FRMD4A: variants seen among roughly 807,000 people sequenced by gnomAD.
The protein encoded by FRMD4A is FERM domain containing 4A, also known as FERM domain-containing protein 4A.
FRMD4A carries 29 observed loss-of-function variants against 129.1 expected under a neutral mutation model. That is an observed-to-expected ratio of 0.22 (90% CI 0.17 to 0.31). The LOEUF (loss-of-function observed/expected upper bound fraction) is 0.31. Ranked by LOEUF, FRMD4A falls within the 10% of genes least tolerant of loss-of-function variation. FRMD4A has a pLI of 1.00. For synonymous variants in FRMD4A, 634 were observed against 571.6 expected (o/e 1.11, Z -1.56); for missense variants, 1,272 against 1,375.8 (o/e 0.92, Z 1.19).
chr10:13,654,158 G>C (rs537405596), intron 23 of FRMD4A: 2 of 555,320 alleles, frequency 3.6e-6, no homozygotes, highest in African/African-American at 3.8e-5. Context: ...GTCCCACTTC[G>C]TGCTTCCATC....
chr10:13,921,157 T>A (rs1246376999), intron 2 of FRMD4A, among the ~76,000 whole-genome samples: 3 of 152,196 alleles, frequency 2.0e-5, no homozygotes, highest in Non-Finnish European at 2.9e-5. Context: ...GGCTGTGTGC[T>A]TACATGGTAG....
At chr10:13,767,637 T>C (rs1564767771) in intron 6 of FRMD4A, among the ~76,000 whole-genome samples, 1 of 152,210 alleles carries the variant, frequency 6.6e-6, no homozygotes, top group Non-Finnish European at 1.5e-5. Flanking sequence ...CCTGGGATTC[T>C]GGGCTTTCCC....
chr10:13,782,926 T>G lies in FRMD4A; in HGVS notation c.380A>C (p.Tyr127Ser). Reference sequence around the variant, plus strand: ...TGAGGGAGAGGGAGTTCCTACCTTGTAGATGCAGGACTTCGCGTTCAGAAA... The same window carrying G: ...TGAGGGAGAGGGAGTTCCTACCTTGGAGATGCAGGACTTCGCGTTCAGAAA... Reference protein sequence around the residue: ...LFFLNAKSCIYKELIDVDSEV... With the variant: ...LFFLNAKSCISKELIDVDSEV... Residue 127 changes from tyrosine (Y) to serine (S), a missense_variant, in exon 6 of 25, where the codon TAC (tyrosine) becomes TCC (serine). By Grantham distance (144) the Tyr-to-Ser change is moderately radical. Coordinates refer to ENST00000357447, the MANE Select transcript of FRMD4A (RefSeq NM_018027.5). 7.4e-7 allele frequency: 1 copy of G among 1,356,494 alleles called. No homozygotes were observed. The highest frequency in any genetic ancestry group is 1.1e-6 in the Non-Finnish European group (1 of 944,578). 84.0% of individuals were successfully genotyped at this position (1,356,494 alleles called of 1,614,324 possible). A position where few individuals can be genotyped will look rare whatever the true frequency, so the allele number is the denominator to read the frequency against.
rs981475072 is a variant in FRMD4A, at chr10:13,952,125, G to GT, written c.46-93214dup. ...AAGTATGACTTTCCCCATGATGTAT[G>GT]TTTTTTTTTCTTTTTATACTCTTTT... is the stretch of plus-strand genomic sequence containing the variant. On this transcript the variant is annotated intron_variant, in intron 2 of 24. Coordinates refer to ENST00000357447, the MANE Select transcript of FRMD4A (RefSeq NM_018027.5). Among the ~76,000 whole-genome samples, 21 of 134,356 alleles carry GT rather than the reference G, an allele frequency of 1.6e-4. No individual in the cohort carries two copies. The South Asian group carries it at 1.9e-3, about 12-fold the overall frequency. 88.1% of individuals were successfully genotyped at this position (134,356 alleles called of 152,430 possible).
intron 9 of FRMD4A, among the ~76,000 whole-genome samples, chr10:13,745,075 C>G (rs1316071946): frequency 6.6e-6 from 1 of 152,132 alleles, no homozygotes; most frequent in Non-Finnish European, 1.5e-5. Flanking sequence ...TTGTAATGTT[C>G]CCAACACAAA....
intron 2 of FRMD4A, among the ~76,000 whole-genome samples, chr10:13,978,494 G>C (rs776980822): frequency 1.3e-5 from 2 of 151,944 alleles, no homozygotes; most frequent in Non-Finnish European, 2.9e-5. Flanking sequence ...TCTAATCCGG[G>C]TTCCACTTCC....
intron 2 of FRMD4A, among the ~76,000 whole-genome samples, chr10:14,323,417 C>T (rs1316558297): frequency 6.6e-6 from 1 of 152,158 alleles, no homozygotes; most frequent in South Asian, 2.1e-4. Context: ...TTTGTTCAAA[C>T]TAGCATAAAA....
intron 2 of FRMD4A, among the ~76,000 whole-genome samples, chr10:14,055,724 T>A (rs1834494441): frequency 2.0e-5 from 3 of 152,224 alleles, no homozygotes; most frequent in African/African-American, 4.8e-5. Flanking sequence ...TAGGTGTATA[T>A]ATTTACGGGG....
intron 2 of FRMD4A, among the ~76,000 whole-genome samples, chr10:14,015,373 T>C (rs2095695919): frequency 6.7e-6 from 1 of 149,670 alleles, no homozygotes; most frequent in African/African-American, 2.5e-5. Flanking sequence ...CCTTCCTTCC[T>C]TCCTTTTTCT....
rs1470548395 is a variant in FRMD4A at position 13,656,858 on chromosome 10, G to A, written c.2731C>T (p.Arg911Cys). ...GCGCCCTTGTCGTGGGCGCCCTCGC[G>A]GCCCAGCGACGGAGTCCGCAGGATC... Reference protein sequence around the residue: ...SQILRTPSLGREGAHDKGAGR... With the variant: ...SQILRTPSLGCEGAHDKGAGR... Residue 911 changes from arginine to cysteine, a missense_variant, in exon 22 of 25, where the codon CGC (arginine) becomes TGC (cysteine). Arg to Cys is a radical substitution (Grantham distance 180). Around this residue, in one of 2 missense-constraint regions of FRMD4A, gnomAD observed 972 missense variants for 892.3 expected, o/e 1.09. Transcript: ENST00000357447. 2.0e-6 allele frequency: 3 copies of A among 1,494,340 alleles called. No individual in the cohort carries two copies. The highest frequency in any genetic ancestry group is 2.9e-5 in the African/African-American group (2 of 69,566). 92.6% of individuals were successfully genotyped at this position (1,494,340 alleles called of 1,614,324 possible).
At chr10:13,989,420 A>G (rs4748072) in intron 2 of FRMD4A, among the ~76,000 whole-genome samples, 52,136 of 151,678 alleles carry the variant, frequency 0.34, 9,588 homozygotes, top group East Asian at 0.72. Context: ...TAGTGGCGCC[A>G]TCTTGGCTCA....
chr10:14,060,974 T>A (rs887878357), intron 2 of FRMD4A, among the ~76,000 whole-genome samples: 1 of 151,994 alleles, frequency 6.6e-6, no homozygotes, highest in African/African-American at 2.4e-5. Context: ...TTTTTATGTA[T>A]AAGATTTCCT....
intron 2 of FRMD4A, among the ~76,000 whole-genome samples, chr10:14,165,309 C>T (rs541759178): frequency 2.0e-4 from 30 of 152,238 alleles, no homozygotes; most frequent in Non-Finnish European, 3.5e-4. Context: ...AAAACCACAG[C>T]GATAGCCATC....
At chr10:13,818,841 T>A (rs1019638818) in intron 3 of FRMD4A, among the ~76,000 whole-genome samples, 2 of 152,190 alleles carry the variant, frequency 1.3e-5, no homozygotes, top group African/African-American at 4.8e-5. Context: ...AAATTCCATG[T>A]ATGGCCAGGC....
intron 2 of FRMD4A, among the ~76,000 whole-genome samples, chr10:14,216,598 G>C (rs1183831750): frequency 6.6e-6 from 1 of 152,116 alleles, no homozygotes; most frequent in East Asian, 1.9e-4. Context: ...ACTGGAAGAG[G>C]CTATGTTTTC....
intron 2 of FRMD4A, among the ~76,000 whole-genome samples, chr10:13,960,713 T>G (rs901448664): frequency 2.6e-5 from 4 of 152,232 alleles, no homozygotes; most frequent in African/African-American, 4.8e-5. Context: ...GCAGCCCACC[T>G]ACCTGCACTT....
chr10:14,198,351 C>T (rs1322307684), intron 2 of FRMD4A, among the ~76,000 whole-genome samples: 1 of 152,162 alleles, frequency 6.6e-6, no homozygotes, highest in East Asian at 1.9e-4. Flanking sequence ...AGGCAACTGC[C>T]ATGCAATTGC....
chr10:13,678,626 G>A (rs1020202050), intron 15 of FRMD4A, among the ~76,000 whole-genome samples: 2 of 152,232 alleles, frequency 1.3e-5, no homozygotes. Flanking sequence ...ACACGTCCTA[G>A]TAGAATTAGA....
intron 2 of FRMD4A, among the ~76,000 whole-genome samples, chr10:14,311,269 T>C (rs992197124): frequency 1.3e-5 from 2 of 152,134 alleles, no homozygotes; most frequent in Admixed American, 6.5e-5. Flanking sequence ...TTCTTGAACA[T>C]CTCCCTGAAT....
Sources: gnomAD v4.1 joint callset for allele counts (sites outside exome capture counted in the v4.1 genomes callset) on GRCh38, gnomAD v4.1.1 for gene constraint, gnomAD v4.1.1 regional missense constraint, MANE v1.5 for transcripts, NCBI Gene and HGNC (gene_info 2026-07-23, HGNC 2026-07-21) for gene names.